KDM2B: variants seen among roughly 807,000 people sequenced by gnomAD.
KDM2B encodes lysine-specific demethylase 2B.
In KDM2B, 26 loss-of-function variants were observed where a neutral mutation model predicts 150.0. The observed-to-expected ratio is 0.17, with a 90% CI of 0.13 to 0.24. The LOEUF (loss-of-function observed/expected upper bound fraction) is 0.24, where lower values mean the gene tolerates loss of function less well. Among genes scored for constraint, KDM2B ranks in the 10% least tolerant of loss-of-function variants. KDM2B has a pLI of 1.00. For missense variants in KDM2B, 1,265 were observed against 1,816.9 expected (o/e 0.70, Z 5.52); for synonymous variants, 734 against 729.5 (o/e 1.01, Z -0.10).
intron 6 of KDM2B, among the ~76,000 whole-genome samples, chr12:121,542,488 C>A (rs540117100): frequency 2.0e-5 from 3 of 152,222 alleles, no homozygotes; most frequent in African/African-American, 7.2e-5. Flanking sequence ...CCAGAACCAC[C>A]CAGCTCAGTT....
At chr12:121,561,237 A>G (rs1890315942) in intron 4 of KDM2B, among the ~76,000 whole-genome samples, 1 of 152,062 alleles carries the variant, frequency 6.6e-6, no homozygotes, top group Admixed American at 6.6e-5. Context: ...AATGTGAAAC[A>G]TACACGGGCG....
chr12:121,449,400 G>A (rs1397098586), intron 13 of KDM2B, among the ~76,000 whole-genome samples: 1 of 152,062 alleles, frequency 6.6e-6, no homozygotes, highest in Non-Finnish European at 1.5e-5. Flanking sequence ...TAGGAGAAGA[G>A]TAAGAAGGAC....
chr12:121,536,031 G>T, intron 6 of KDM2B: 1 of 985,220 alleles, frequency 1.0e-6, no homozygotes, highest in Non-Finnish European at 1.2e-6. Flanking sequence ...TCTTTTCCCC[G>T]CTGCACTTTG....
chr12:121,494,464 G>A (rs374279474), intron 12 of KDM2B, 115 bp downstream of exon 12: 178 of 672,490 alleles, frequency 2.6e-4, no homozygotes, highest in Non-Finnish European at 4.2e-4. Context: ...TCTTAACTGC[G>A]GTGCCTTCAT....
chr12:121,439,987 G>A lies in KDM2B; in HGVS notation c.3699C>T (p.Ile1233=), dbSNP rs782054563. Residue 1233 remains isoleucine, a synonymous_variant, in exon 22 of 23, where the codon ATC becomes ATT. Coordinates refer to ENST00000377071, the MANE Select transcript of KDM2B (RefSeq NM_032590.5). ...LDITDASLRL[I]IRHMPLLSKL... ...TGGAGAGCAGGGGCATGTGGCGGAT[G>A]ATGAGCCGCAGGGAGGCATCTGTGA... 3 of 1,614,014 alleles carry A rather than the reference G, an allele frequency of 1.9e-6. No homozygotes were observed.
At position 121,533,018 on chromosome 12, in the gene KDM2B, A is replaced by AG; in HGVS notation, c.778-60dup. On this transcript the variant is annotated intron_variant, in intron 7 of 22. Transcript: ENST00000377071. The surrounding 1 kb of genome is among the most constrained non-coding windows in gnomAD (Gnocchi z 4.1). ...CCAGGCCCAGACAAGACCCAGAGAG[A>AG]GGGCCCCACCTGCCTGGCGGAAGGG... The AG allele has an allele frequency of 6.3e-7, 1 of 1,588,566 alleles. No homozygotes were observed.
chr12:121,491,359 A>G (rs958638508), intron 12 of KDM2B, among the ~76,000 whole-genome samples: 1 of 152,102 alleles, frequency 6.6e-6, no homozygotes, highest in Admixed American at 6.6e-5. Context: ...GCTGCTGTGT[A>G]TACTGGGGAG....
At position 121,510,002 on chromosome 12, in the gene KDM2B, C is replaced by T. The variant is rs781871295; in HGVS notation, c.1212G>A (p.Ser404=). ...PRKPSIDGFS[S]DSWLEMEEEA... is the part of the protein sequence containing the mutation. Reference sequence around the variant, plus strand: ...CCTCCTCCATCTCCAGCCAGGAATCCGAAGAGAAGCCGTCTATGCTGGGCT... The same window carrying T: ...CCTCCTCCATCTCCAGCCAGGAATCTGAAGAGAAGCCGTCTATGCTGGGCT... The change falls in exon 11 of 23, where the codon TCG becomes TCA. Residue 404 remains serine (S), a synonymous_variant. Coordinates refer to ENST00000377071, the MANE Select transcript of KDM2B (RefSeq NM_032590.5). 43 of 1,588,594 alleles carry T rather than the reference C, an allele frequency of 2.7e-5. No individual in the cohort carries two copies. Among genetic ancestry groups the T allele is most frequent in the Non-Finnish European group, 3.4e-5 (40 of 1,167,226 alleles).
chr12:121,412,879 A>G, the KDM2B span, among the ~76,000 whole-genome samples: 3 of 145,972 alleles, frequency 2.1e-5, no homozygotes, highest in African/African-American at 7.6e-5. Context: ...TGCCTGGGCC[A>G]GCTATTTTTG....
chr12:121,451,109 C>G (rs1367226982), intron 13 of KDM2B, among the ~76,000 whole-genome samples: 3 of 151,474 alleles, frequency 2.0e-5, no homozygotes, highest in African/African-American at 4.9e-5. Flanking sequence ...CGTCTCCTGC[C>G]CCCCCCTTCT....
At chr12:121,555,583 G>C (rs1889828954) in intron 4 of KDM2B, among the ~76,000 whole-genome samples, 1 of 152,148 alleles carries the variant, frequency 6.6e-6, no homozygotes, top group Admixed American at 6.6e-5. Flanking sequence ...ATATTGCCCA[G>C]GCTGGTGTCA....
rs1555295408 is a variant in KDM2B, at chr12:121,468,941, C to G, written c.1735-15597G>C. On this transcript the variant is annotated intron_variant, in intron 12 of 22. Transcript: ENST00000377071. This position sits in a 1 kb window ranked among gnomAD's most constrained non-coding sequence, Gnocchi z 4.0. Reference sequence around the variant, plus strand: ...TGAGACAGACTCTCACTCTGTCGCCCAGGCTGGAGTGCAGTGGATCTCGGC... The same window carrying G: ...TGAGACAGACTCTCACTCTGTCGCCGAGGCTGGAGTGCAGTGGATCTCGGC... 1.3e-5 allele frequency: 2 copies of G among 152,238 alleles called. No individual in the cohort carries two copies. The highest frequency in any genetic ancestry group is 1.5e-5 in the Non-Finnish European group (1 of 68,072). 9.4% of individuals were successfully genotyped at this position (152,238 alleles called of 1,614,324 possible).
chr12:121,479,362 A>G (rs572965374), intron 12 of KDM2B, among the ~76,000 whole-genome samples: 38 of 149,512 alleles, frequency 2.5e-4, no homozygotes, highest in African/African-American at 7.8e-4. Context: ...AGCTACTCGG[A>G]AGGCTGAGGC....
In KDM2B at chr12:121,548,880, T is replaced by C; in HGVS notation, c.680A>G (p.Lys227Arg). 1.2e-6 allele frequency: 2 copies of C among 1,613,526 alleles called. No individual in the cohort carries two copies. The highest frequency in any genetic ancestry group is 1.7e-6 in the Non-Finnish European group (2 of 1,179,400). The change falls in exon 6 of 23, where the codon AAA becomes AGA. Residue 227 changes from lysine to arginine, a missense_variant. Around this residue, in one of 11 missense-constraint regions of KDM2B, gnomAD observed 214 missense variants for 447.4 expected, o/e 0.48. Coordinates refer to ENST00000377071, the MANE Select transcript of KDM2B (RefSeq NM_032590.5). The stretch of plus-strand genomic sequence containing the variant: ...GCCACCAGCCAGGCAGTCTTACTTT[T>C]TCACTTTCGGGTACTTCATCTCTGC... ...AIAEMKYPKV[K>R]KYCLMSVKGC...
intron 11 of KDM2B, among the ~76,000 whole-genome samples, chr12:121,502,087 G>A (rs1168084144): frequency 6.6e-6 from 1 of 152,188 alleles, no homozygotes; most frequent in East Asian, 1.9e-4. Context: ...ACCTTCCACA[G>A]TCATGGGTTT....
At position 121,441,299 on chromosome 12, in the gene KDM2B, C is replaced by T. The variant is rs1253819832; in HGVS notation, c.3285-66G>A. On this transcript the variant is annotated intron_variant, in intron 19 of 22. Transcript: ENST00000377071. ...GCTCCTCTAGGGAGCCCACACACAGCTCTTAACTGTCCCCACCTAACAACC... is the reference window on the plus strand; with the variant it reads ...GCTCCTCTAGGGAGCCCACACACAGTTCTTAACTGTCCCCACCTAACAACC... The T allele has an allele frequency of 5.3e-6, 8 of 1,500,552 alleles. No individual in the cohort carries two copies. In the Admixed American group the frequency reaches 1.3e-4, roughly 24 times the overall value. 93.0% of individuals were successfully genotyped at this position (1,500,552 alleles called of 1,614,324 possible).
intron 8 of KDM2B, among the ~76,000 whole-genome samples, chr12:121,531,403 G>T (rs1887649566): frequency 6.6e-6 from 1 of 152,168 alleles, no homozygotes; most frequent in Non-Finnish European, 1.5e-5. Context: ...ACTAGTGCTT[G>T]ATGTCCAGAC....
intron 8 of KDM2B, among the ~76,000 whole-genome samples, chr12:121,522,325 G>C (rs1307841306): frequency 1.3e-5 from 2 of 151,668 alleles, no homozygotes; most frequent in African/African-American, 4.9e-5. Context: ...AGACCAGCCT[G>C]ACCAACATGG....
intron 12 of KDM2B, among the ~76,000 whole-genome samples, chr12:121,490,617 T>C (rs1454611841): frequency 6.6e-6 from 1 of 152,176 alleles, no homozygotes; most frequent in Non-Finnish European, 1.5e-5. Context: ...TCACCCAGCC[T>C]GTAAGGTCAC....
Sources: allele counts gnomAD v4.1 joint callset (sites outside exome capture counted in the v4.1 genomes callset), GRCh38; gene constraint gnomAD v4.1.1; regional missense constraint gnomAD v4.1.1; non-coding constraint Gnocchi (gnomAD v3.1); transcripts MANE v1.5; gene names NCBI Gene and HGNC (gene_info 2026-07-23, HGNC 2026-07-21).